FAM185A: variants seen among roughly 807,000 people sequenced by gnomAD.
The protein encoded by FAM185A is family with sequence similarity 185 member A.
A neutral mutation model predicts 45.7 loss-of-function variants in FAM185A; 21 were observed. The ratio of observed to expected loss-of-function variants is 0.46; its 90% confidence interval spans 0.33 to 0.66. The LOEUF (loss-of-function observed/expected upper bound fraction) is 0.66. FAM185A is among the 30% of genes least tolerant of loss of function. The pLI, the probability that FAM185A is intolerant of heterozygous loss-of-function variation, is 0.03. For synonymous variants in FAM185A, 117 were observed against 194.0 expected (o/e 0.60, Z 3.30); for missense variants, 305 against 485.4 (o/e 0.63, Z 3.49).
At chr7:102,790,560 G>A (rs1320329806) in intron 7 of FAM185A, among the ~76,000 whole-genome samples, 1 of 152,162 alleles carries the variant, frequency 6.6e-6, no homozygotes, top group Non-Finnish European at 1.5e-5. Flanking sequence ...AAAATTATTT[G>A]CATATGTAAG....
chr7:102,826,724 CATATATATATATATATATATATATATAT>C, the FAM185A span, among the ~76,000 whole-genome samples: 273 of 62,738 alleles, frequency 4.4e-3, 6 homozygotes, highest in Middle Eastern at 0.011. Flanking sequence ...GACCCTGTCT[CATATATATATATATATATATATATATAT>C]ATATATATAT....
In FAM185A at chr7:102,757,870, T is replaced by C. The variant is rs1354057533; in HGVS notation, c.578T>C (p.Val193Ala). 1.9e-6 allele frequency: 3 copies of C among 1,544,592 alleles called. No homozygotes were observed. The highest frequency in any genetic ancestry group is 2.8e-5 in the African/African-American group (2 of 72,522). ...LQSVKGQKLHVQTKGGKVICL... is the reference protein window; with the variant it reads ...LQSVKGQKLHAQTKGGKVICL... ...GTCTTTCAGGGTCAAAAATTGCATG[T>C]TCAAACAAAAGGAGGCAAAGTGATC... The change falls in exon 3 of 8, where the codon GTT becomes GCT. Residue 193 changes from valine to alanine, a missense_variant. Coordinates refer to ENST00000413034, the MANE Select transcript of FAM185A (RefSeq NM_001145268.2).
chr7:102,807,333 T>C (rs1797180752), intron 7 of FAM185A, among the ~76,000 whole-genome samples: 1 of 152,170 alleles, frequency 6.6e-6, no homozygotes, highest in South Asian at 2.1e-4. Flanking sequence ...ACTTACTACA[T>C]TGTATACTTT....
the FAM185A span, among the ~76,000 whole-genome samples, chr7:102,836,447 A>AT: frequency 6.6e-6 from 1 of 152,222 alleles, no homozygotes; most frequent in Non-Finnish European, 1.5e-5. Context: ...CCCCCTACAG[A>AT]TAAGATTACA....
At chr7:102,797,873 T>G (rs1796530639) in intron 7 of FAM185A, among the ~76,000 whole-genome samples, 1 of 152,118 alleles carries the variant, frequency 6.6e-6, no homozygotes, top group Admixed American at 6.6e-5. Flanking sequence ...GGGTTAGAAG[T>G]GGGAGTGGGG....
the FAM185A span, among the ~76,000 whole-genome samples, chr7:102,833,473 C>T: frequency 6.7e-6 from 1 of 150,256 alleles, no homozygotes; most frequent in Non-Finnish European, 1.5e-5. Flanking sequence ...CCTCTGTTGC[C>T]CAGGCTTGGA....
intron 6 of FAM185A, among the ~76,000 whole-genome samples, chr7:102,779,427 T>C (rs1449128435): frequency 6.6e-6 from 1 of 152,180 alleles, no homozygotes; most frequent in East Asian, 1.9e-4. Context: ...TTTAAGATCA[T>C]GTTATGCATT....
intron 2 of FAM185A, among the ~76,000 whole-genome samples, chr7:102,753,534 T>C (rs1793502767): frequency 6.6e-6 from 1 of 152,170 alleles, no homozygotes; most frequent in African/African-American, 2.4e-5. Context: ...ACCTTTTAGA[T>C]GCCAGTAGCA....
chr7:102,776,004 G>C (rs1007024701), intron 5 of FAM185A, among the ~76,000 whole-genome samples: 21 of 152,090 alleles, frequency 1.4e-4, no homozygotes, highest in African/African-American at 4.6e-4. Context: ...TATTATAAAT[G>C]ATCTTGGAGC....
chr7:102,849,437 A>G, the FAM185A span, among the ~76,000 whole-genome samples: 7 of 152,224 alleles, frequency 4.6e-5, no homozygotes, highest in African/African-American at 1.7e-4. Flanking sequence ...CAACTCTTGC[A>G]AAACCTAACC....
chr7:102,829,431 C>T, the FAM185A span, among the ~76,000 whole-genome samples: 14 of 152,322 alleles, frequency 9.2e-5, no homozygotes, highest in South Asian at 2.7e-3. Context: ...TTATCCCTCT[C>T]AGAGGTGCAT....
At chr7:102,847,703 A>AT in the FAM185A span, among the ~76,000 whole-genome samples, 11 of 151,862 alleles carry the variant, frequency 7.2e-5, no homozygotes, top group Non-Finnish European at 1.5e-4. Context: ...ATTTTTTTGT[A>AT]TTTTTAGTAG....
At chr7:102,818,612 A>G in the FAM185A span, among the ~76,000 whole-genome samples, 3 of 152,164 alleles carry the variant, frequency 2.0e-5, no homozygotes, top group Non-Finnish European at 4.4e-5. Context: ...CCTGAGCAGT[A>G]GGGACTGTCC....
At chr7:102,802,772 T>G (rs1190330410) in intron 7 of FAM185A, among the ~76,000 whole-genome samples, 1 of 151,778 alleles carries the variant, frequency 6.6e-6, no homozygotes, top group African/African-American at 2.4e-5. Context: ...GCTGGTTCCT[T>G]GAAAAGATAA....
At chr7:102,832,848 A>G in the FAM185A span, 1 of 1,614,216 alleles carries the variant, frequency 6.2e-7, no homozygotes, top group Non-Finnish European at 8.5e-7. Flanking sequence ...ACCTTTGGAC[A>G]GCCAGCAATG....
intron 7 of FAM185A, among the ~76,000 whole-genome samples, chr7:102,795,750 T>C (rs1375780564): frequency 6.6e-6 from 1 of 151,458 alleles, no homozygotes; most frequent in Non-Finnish European, 1.5e-5. Flanking sequence ...GGGTAGAGCA[T>C]TTAGTAGTGG....
intron 7 of FAM185A, among the ~76,000 whole-genome samples, chr7:102,792,556 AG>A (rs201148084): frequency 0.16 from 14,470 of 91,876 alleles, 1,507 homozygotes; most frequent in East Asian, 0.5. Context: ...CTCCAAGCCC[AG>A]GTATGCATGT....
chr7:102,802,178 TG>T (rs1320851857), intron 7 of FAM185A, among the ~76,000 whole-genome samples: 1 of 152,176 alleles, frequency 6.6e-6, no homozygotes, highest in African/African-American at 2.4e-5. Flanking sequence ...AACTATACCT[TG>T]GAACAAATGG....
the FAM185A span, among the ~76,000 whole-genome samples, chr7:102,822,957 G>A: frequency 1.3e-5 from 2 of 152,140 alleles, no homozygotes; most frequent in African/African-American, 4.8e-5. Flanking sequence ...AGCTACTTGG[G>A]AGGCTCTGGT....
Sources: gnomAD v4.1 joint callset for allele counts (sites outside exome capture counted in the v4.1 genomes callset) on GRCh38, gnomAD v4.1.1 for gene constraint, MANE v1.5 for transcripts, NCBI Gene and HGNC (gene_info 2026-07-23, HGNC 2026-07-21) for gene names.